COL4A4: variants seen among roughly 807,000 people sequenced by gnomAD.
The protein encoded by COL4A4 is collagen alpha-4(IV) chain.
A neutral mutation model predicts 192.9 loss-of-function variants in COL4A4; 105 were observed. That is an observed-to-expected ratio of 0.54 (90% CI 0.46 to 0.64). The LOEUF (loss-of-function observed/expected upper bound fraction) is 0.64. COL4A4 is among the 30% of genes least tolerant of loss of function. The probability of loss-of-function intolerance (pLI) is 0.00; values close to 1 mark genes in which losing one functional copy is unlikely to be tolerated. For synonymous variants in COL4A4, 762 were observed against 769.9 expected (o/e 0.99, Z 0.17); for missense variants, 1,967 against 2,169.3 (o/e 0.91, Z 1.85).
intron 37 of COL4A4, among the ~76,000 whole-genome samples, chr2:227,041,860 A>AGAGAGAG (rs1559478521): frequency 8.7e-5 from 8 of 92,282 alleles, no homozygotes; most frequent in African/African-American, 1.6e-4. Flanking sequence ...GAAAGAAAGA[A>AGAGAGAG]AGAAAGAAAG....
At chr2:227,142,362 C>T (rs532921902) in intron 3 of COL4A4, among the ~76,000 whole-genome samples, 29 of 152,262 alleles carry the variant, frequency 1.9e-4, no homozygotes, top group African/African-American at 6.0e-4. Context: ...AATACATTCA[C>T]GCTCTCGGAA....
At chr2:227,095,227 C>G (rs909928908) in intron 19 of COL4A4, among the ~76,000 whole-genome samples, 11 of 152,140 alleles carry the variant, frequency 7.2e-5, no homozygotes, top group African/African-American at 2.7e-4. Flanking sequence ...AACATATTAG[C>G]ATACTTAGTG....
intron 4 of COL4A4, among the ~76,000 whole-genome samples, chr2:227,133,555 G>T (rs982811002): frequency 6.6e-6 from 1 of 152,098 alleles, no homozygotes; most frequent in East Asian, 1.9e-4. Context: ...GATAGGCAGG[G>T]ATCCTTCCTT....
chr2:226,969,394 C>CTTTT, the COL4A4 span, among the ~76,000 whole-genome samples: 44,216 of 114,612 alleles, frequency 0.39, 8,309 homozygotes, highest in South Asian at 0.46. Context: ...ACAGCTCAGC[C>CTTTT]TTTTTTTTTT....
rs996284746 is a variant in COL4A4 at position 227,005,556 on chromosome 2, T to A, written c.*1769A>T. 1.3e-5 allele frequency: 2 copies of A among 152,210 alleles called. No individual in the cohort carries two copies. The highest frequency in any genetic ancestry group is 4.8e-5 in the African/African-American group (2 of 41,442). The allele number at this position is 152,210 out of a possible 1,614,324, so 9.4% of individuals were successfully genotyped here. ...AATATTCTGCTACATCAAGAAAATA[T>A]TTCATCTTAAAATACACATTTTTCT... On this transcript the variant is annotated 3_prime_UTR_variant, in exon 48 of 48. Coordinates refer to ENST00000396625, the MANE Select transcript of COL4A4 (RefSeq NM_000092.5).
At chr2:227,041,837 AAAGAAAGAAAGAGAAAGAAAGAAAG>A (rs1971238876) in intron 37 of COL4A4, among the ~76,000 whole-genome samples, 1 of 44,330 alleles carries the variant, frequency 2.3e-5, no homozygotes, top group African/African-American at 1.3e-4. Flanking sequence ...AGAAAGAAAG[AAAGAAAGAAAGAGAAAGAAAGAAAG>A]AAAGAAAGAA....
At chr2:227,152,961 G>A (rs2064059429) in intron 1 of COL4A4, among the ~76,000 whole-genome samples, 1 of 152,180 alleles carries the variant, frequency 6.6e-6, no homozygotes, top group African/African-American at 2.4e-5. Flanking sequence ...AATTTGTAAA[G>A]GAAAGGGGTT....
intron 9 of COL4A4, 102 bp downstream of exon 9, chr2:227,111,576 T>C (rs1390411894): frequency 1.6e-6 from 2 of 1,267,924 alleles, no homozygotes; most frequent in African/African-American, 1.5e-5. Flanking sequence ...TTGCACTAGG[T>C]GAGCCGCACA....
chr2:227,155,262 T>C (rs112791738), intron 1 of COL4A4, among the ~76,000 whole-genome samples: 8 of 152,026 alleles, frequency 5.3e-5, no homozygotes, highest in African/African-American at 1.9e-4. Flanking sequence ...GTTGAGTTTG[T>C]TAGTGCAATT....
At chr2:227,137,131 C>A (rs892396686) in intron 4 of COL4A4, among the ~76,000 whole-genome samples, 1 of 152,208 alleles carries the variant, frequency 6.6e-6, no homozygotes, top group Admixed American at 6.5e-5. Context: ...CAAAGACACA[C>A]ACAGCAGAGT....
intron 25 of COL4A4, among the ~76,000 whole-genome samples, chr2:227,069,255 G>A (rs1189176547): frequency 2.0e-5 from 3 of 151,334 alleles, no homozygotes; most frequent in African/African-American, 7.3e-5. Context: ...ATGCTCATGG[G>A]TAGGAAGAAT....
At chr2:227,011,242 T>C (rs1255185718) in intron 45 of COL4A4, among the ~76,000 whole-genome samples, 2 of 152,158 alleles carry the variant, frequency 1.3e-5, no homozygotes, top group Admixed American at 1.3e-4. Flanking sequence ...CCAAAAGGTA[T>C]TTTTTGTGTT....
At chr2:227,140,479 G>A (rs2063129081) in intron 3 of COL4A4, among the ~76,000 whole-genome samples, 1 of 152,174 alleles carries the variant, frequency 6.6e-6, no homozygotes, top group South Asian at 2.1e-4. Context: ...TTCTAAAGTC[G>A]TTTGGCTTTA....
intron 4 of COL4A4, among the ~76,000 whole-genome samples, chr2:227,131,163 C>CT (rs149428549): frequency 1.6e-3 from 199 of 125,046 alleles, no homozygotes; most frequent in African/African-American, 4.9e-3. Flanking sequence ...TTCTTTCTTT[C>CT]TTTTTTTTTT....
chr2:227,068,529 G>A (rs1576290673), intron 25 of COL4A4, among the ~76,000 whole-genome samples: 1 of 152,160 alleles, frequency 6.6e-6, no homozygotes, highest in African/African-American at 2.4e-5. Context: ...ATGATCAAGT[G>A]GGCTTCACCC....
At chr2:226,967,985 A>G in the COL4A4 span, among the ~76,000 whole-genome samples, 1 of 152,178 alleles carries the variant, frequency 6.6e-6, no homozygotes, top group Admixed American at 6.5e-5. Flanking sequence ...TTTGCTAGTT[A>G]TATCTCTTCA....
At chr2:227,122,881 T>C (rs2061875341) in intron 4 of COL4A4, among the ~76,000 whole-genome samples, 1 of 152,142 alleles carries the variant, frequency 6.6e-6, no homozygotes, top group South Asian at 2.1e-4. Context: ...TTATTTTTTT[T>C]TGAGACAGGG....
chr2:227,081,621 TC>T (rs1253148494), intron 23 of COL4A4, among the ~76,000 whole-genome samples: 1 of 152,150 alleles, frequency 6.6e-6, no homozygotes, highest in African/African-American at 2.4e-5. Context: ...ATCATATGAG[TC>T]AATTCTCCTT....
At chr2:226,995,662 G>C in the COL4A4 span, 1 of 663,206 alleles carries the variant, frequency 1.5e-6, no homozygotes, top group Non-Finnish European at 2.7e-6. Context: ...ACATCACCTG[G>C]GACAGTCCCA....
Sources: gnomAD v4.1 joint callset for allele counts (sites outside exome capture counted in the v4.1 genomes callset) on GRCh38, gnomAD v4.1.1 for gene constraint, MANE v1.5 for transcripts, NCBI Gene and HGNC (gene_info 2026-07-23, HGNC 2026-07-21) for gene names.